DTWD2: variants seen among roughly 807,000 people sequenced by gnomAD.
DTWD2 encodes tRNA-uridine aminocarboxypropyltransferase 2.
A neutral mutation model predicts 31.8 loss-of-function variants in DTWD2; 39 were observed. The ratio of observed to expected loss-of-function variants is 1.22; its 90% CI spans 0.95 to 1.60. The LOEUF is 1.60. Among genes scored for constraint, DTWD2 ranks in the 40% most tolerant of loss-of-function variants. The probability of loss-of-function intolerance (pLI) is 0.00; values close to 1 mark genes in which losing one functional copy is unlikely to be tolerated. For synonymous variants in DTWD2, 180 were observed against 142.8 expected (o/e 1.26, Z -1.86); for missense variants, 515 against 381.5 (o/e 1.35, Z -2.92).
rs139827232 is a variant in DTWD2 at position 118,986,364 on chromosome 5, T to C, written c.218+1930A>G. On this transcript the variant is annotated intron_variant, in intron 1 of 5. Transcript: ENST00000510708. Reference sequence around the variant, plus strand: ...CAAGTTTGGGATCTTTTAAAGAATATTCCATTCATATTTAAGATATGTTAT... The same window carrying C: ...CAAGTTTGGGATCTTTTAAAGAATACTCCATTCATATTTAAGATATGTTAT... 8.4e-3 allele frequency among the ~76,000 whole-genome samples: 1,285 copies of C among 152,292 alleles called. 11 individuals are homozygous for C. The highest frequency in any genetic ancestry group is 0.029 in the African/African-American group (1,221 of 41,572).
In DTWD2 at chr5:118,871,921, A is replaced by G. The variant is rs185318658; in HGVS notation, c.598-23703T>C. Among the ~76,000 whole-genome samples the G allele has an allele frequency of 2.6e-5, 4 of 152,338 alleles. No homozygotes were observed. In the East Asian group the frequency reaches 7.7e-4, roughly 29 times the overall value. On this transcript the variant is annotated intron_variant, in intron 4 of 5. Transcript: ENST00000510708. ...AATAGAAGTCTATTTTGTCTACATT[A>G]AAAACCTACTGTTTAGTGTAGACAC...
At chr5:118,872,561 G>A (rs1278010489) in intron 4 of DTWD2, among the ~76,000 whole-genome samples, 2 of 152,164 alleles carry the variant, frequency 1.3e-5, no homozygotes, top group Non-Finnish European at 2.9e-5. Context: ...CCAGTAGGTG[G>A]AACAATCAAA....
At chr5:118,895,238 T>A (rs1269331854) in intron 4 of DTWD2, among the ~76,000 whole-genome samples, 2 of 151,300 alleles carry the variant, frequency 1.3e-5, no homozygotes, top group African/African-American at 4.9e-5. Context: ...CCTGAAAAAA[T>A]CAAGAAAGCA....
intron 4 of DTWD2, among the ~76,000 whole-genome samples, chr5:118,856,737 C>A (rs1252515956): frequency 7.0e-6 from 1 of 143,674 alleles, no homozygotes; most frequent in Non-Finnish European, 1.5e-5. Context: ...TATTTTATAT[C>A]CTTTACCTTC....
At chr5:118,910,900 T>C (rs115210929) in intron 4 of DTWD2, among the ~76,000 whole-genome samples, 1 of 152,224 alleles carries the variant, frequency 6.6e-6, no homozygotes, top group African/African-American at 2.4e-5. Flanking sequence ...AAGGCACACA[T>C]AAGCTCCCTC....
At chr5:118,933,377 G>C (rs1262452861) in intron 3 of DTWD2, among the ~76,000 whole-genome samples, 1 of 152,042 alleles carries the variant, frequency 6.6e-6, no homozygotes, top group Non-Finnish European at 1.5e-5. Context: ...GAAAACTATA[G>C]ATCAATATCC....
chr5:118,897,202 A>C (rs969069089), intron 4 of DTWD2, among the ~76,000 whole-genome samples: 1 of 152,230 alleles, frequency 6.6e-6, no homozygotes, highest in Non-Finnish European at 1.5e-5. Context: ...CACATGGGAC[A>C]CAGCTCAGAG....
intron 1 of DTWD2, among the ~76,000 whole-genome samples, chr5:118,954,570 G>C (rs112922627): frequency 0.1 from 15,444 of 152,160 alleles, 1,168 homozygotes; most frequent in African/African-American, 0.21. Flanking sequence ...CTGGAGTGCA[G>C]TGGCATGATC....
rs1754761136 is a variant in DTWD2, at chr5:118,963,745, T to C, written c.219-19096A>G. 1.3e-5 allele frequency among the ~76,000 whole-genome samples: 2 copies of C among 152,226 alleles called. 1 individual carries two copies. Among genetic ancestry groups the C allele is most frequent in the African/African-American group, 4.8e-5 (2 of 41,538 alleles). On this transcript the variant is annotated intron_variant, in intron 1 of 5. Transcript: ENST00000510708. Reference sequence around the variant, plus strand: ...AGAGTAGTTTAAATACCACCTCCCCTGTAAAGTTCCAAGCAGGGGTCCCTC... The same window carrying C: ...AGAGTAGTTTAAATACCACCTCCCCCGTAAAGTTCCAAGCAGGGGTCCCTC...
chr5:118,982,676 AGTTTG>A (rs1755328378), intron 1 of DTWD2, among the ~76,000 whole-genome samples: 1 of 149,124 alleles, frequency 6.7e-6, no homozygotes, highest in South Asian at 2.1e-4. Flanking sequence ...TTACCAAAAT[AGTTTG>A]TTTTCTTTTT....
intron 4 of DTWD2, among the ~76,000 whole-genome samples, chr5:118,920,006 TAAA>T (rs544443298): frequency 7.0e-6 from 1 of 143,660 alleles, no homozygotes; most frequent in African/African-American, 2.5e-5. Context: ...GTAATAAAAA[TAAA>T]AAAAAAAAGT....
chr5:118,925,016 A>G (rs1753779633), intron 4 of DTWD2, among the ~76,000 whole-genome samples: 1 of 152,186 alleles, frequency 6.6e-6, no homozygotes, highest in African/African-American at 2.4e-5. Flanking sequence ...GAATTGTGTT[A>G]TGTATTTTAG....
intron 1 of DTWD2, among the ~76,000 whole-genome samples, chr5:118,980,305 A>T (rs1228323553): frequency 6.6e-6 from 1 of 152,186 alleles, no homozygotes; most frequent in Admixed American, 6.5e-5. Flanking sequence ...CATCTACCAA[A>T]TTATCTCTGA....
intron 4 of DTWD2, among the ~76,000 whole-genome samples, chr5:118,850,801 A>C (rs994852571): frequency 6.6e-6 from 1 of 152,200 alleles, no homozygotes; most frequent in Non-Finnish European, 1.5e-5. Flanking sequence ...ATCTACAAGA[A>C]GCTTAAACAA....
At chr5:118,944,678 G>C (rs532836497) in intron 1 of DTWD2, 29 bp from the exon 2 acceptor site, 7 of 1,598,782 alleles carry the variant, frequency 4.4e-6, no homozygotes, top group Admixed American at 1.7e-5. Flanking sequence ...AATAAAACTG[G>C]TAAATTTTAA....
chr5:118,869,290 T>G (rs930904495), intron 4 of DTWD2, among the ~76,000 whole-genome samples: 4 of 152,060 alleles, frequency 2.6e-5, no homozygotes, highest in Admixed American at 2.6e-4. Flanking sequence ...GGACAGAAAA[T>G]AGCTGGTGAG....
At chr5:118,871,751 A>T (rs1418143258) in intron 4 of DTWD2, among the ~76,000 whole-genome samples, 1 of 152,084 alleles carries the variant, frequency 6.6e-6, no homozygotes, top group African/African-American at 2.4e-5. Flanking sequence ...ATTTTTAAGG[A>T]CCTTAGGTTT....
chr5:118,950,063 A>G (rs1239900684), intron 1 of DTWD2, among the ~76,000 whole-genome samples: 3 of 151,952 alleles, frequency 2.0e-5, no homozygotes, highest in African/African-American at 4.8e-5. Context: ...ACAAAAAATT[A>G]GCTGGGCATG....
chr5:118,906,626 T>A (rs1753338586), intron 4 of DTWD2, among the ~76,000 whole-genome samples: 1 of 152,184 alleles, frequency 6.6e-6, no homozygotes, highest in East Asian at 1.9e-4. Flanking sequence ...TTATATAAAA[T>A]TCCATAAAAT....
Sources: allele counts gnomAD v4.1 joint callset (sites outside exome capture counted in the v4.1 genomes callset), GRCh38; gene constraint gnomAD v4.1.1; transcripts MANE v1.5; gene names NCBI Gene and HGNC (gene_info 2026-07-23, HGNC 2026-07-21).